FAAP20: variants seen among roughly 807,000 people sequenced by gnomAD.
FAAP20 encodes the protein FA core complex associated protein 20.
A neutral mutation model predicts 16.2 loss-of-function variants in FAAP20; 12 were observed. That is an observed-to-expected ratio of 0.74 (90% CI 0.48 to 1.20). The LOEUF (loss-of-function observed/expected upper bound fraction) is 1.20, where lower values mean the gene tolerates loss of function less well. Among genes scored for constraint, FAAP20 ranks in the 50% most tolerant of loss-of-function variants. FAAP20 has a pLI of 0.00. For missense variants in FAAP20, 288 were observed against 245.8 expected, an observed-to-expected ratio of 1.17 and a Z score of -1.15; for synonymous variants, 141 against 110.7, an observed-to-expected ratio of 1.27 and a Z score of -1.72.
intron 3 of FAAP20, chr1:2,193,339 G>T (rs1415052075): frequency 3.8e-6 from 2 of 520,018 alleles, no homozygotes; most frequent in African/African-American, 3.9e-5. Flanking sequence ...TGGGGACGCT[G>T]GTGCCACCAG....
At chr1:2,208,963 A>G (rs887282778), downstream of FAAP20, among the ~76,000 whole-genome samples, 1 of 152,350 alleles carries the variant, frequency 6.6e-6, no homozygotes, top group East Asian at 1.9e-4. Context: ...GAGCCCTCAC[A>G]GCTGCAGGAG....
At chr1:2,187,139 G>T (rs1687687391), downstream of FAAP20, 1 of 468,952 alleles carries the variant, frequency 2.1e-6, no homozygotes, top group East Asian at 7.0e-5. Flanking sequence ...TGGCTGGCCG[G>T]CTCTCCTGTG....
At chr1:2,212,307 T>C (rs1295770263) in exon 2 of FAAP20, 1 of 152,228 alleles carries the variant, frequency 6.6e-6, no homozygotes, top group Admixed American at 6.6e-5. Flanking sequence ...AGCAGGAGGG[T>C]GGCTGTCTTT....
chr1:2,194,502 G>A (rs1688660443), intron 1 of FAAP20, among the ~76,000 whole-genome samples, 186 bp downstream of exon 1: 1 of 144,624 alleles, frequency 6.9e-6, no homozygotes, highest in Non-Finnish European at 1.5e-5. Flanking sequence ...GGGAAGCTCG[G>A]CGTGGGGTGG....
At chr1:2,192,738 A>G in intron 3 of FAAP20, 1 of 1,130,840 alleles carries the variant, frequency 8.8e-7, no homozygotes, top group Non-Finnish European at 1.1e-6. Context: ...TTCAGCCTCC[A>G]GAGTAGCTAG....
chr1:2,186,495 C>G (rs1003937786), downstream of FAAP20, among the ~76,000 whole-genome samples: 1 of 117,390 alleles, frequency 8.5e-6, no homozygotes, highest in South Asian at 3.2e-4. Context: ...CCTGGACACC[C>G]GCCCCCCCCC....
chr1:2,211,401 A>T (rs1205077455), downstream of FAAP20, among the ~76,000 whole-genome samples: 33 of 3,714 alleles, frequency 8.9e-3, no homozygotes, highest in Admixed American at 0.026. Context: ...GGCTAATTTT[A>T]TATATATATA....
downstream of FAAP20, chr1:2,189,452 A>C: frequency 5.6e-6 from 3 of 539,754 alleles, no homozygotes; most frequent in Non-Finnish European, 6.7e-6. Context: ...CGCCAGGGGA[A>C]AGGGGTCAGC....
upstream of FAAP20, chr1:2,203,358 C>T (rs1689121239): frequency 1.1e-6 from 1 of 949,082 alleles, no homozygotes; most frequent in Non-Finnish European, 1.3e-6. Context: ...CTGGACACCC[C>T]TCCGCAGTCA....
downstream of FAAP20, chr1:2,184,861 G>T: frequency 6.7e-7 from 1 of 1,485,430 alleles, no homozygotes; most frequent in Admixed American, 1.8e-5. Flanking sequence ...ACGTGACTCC[G>T]CTTCCCCCAA....
At chr1:2,199,311 G>A (rs892927873), upstream of FAAP20, 11 of 1,062,402 alleles carry the variant, frequency 1.0e-5, 1 homozygote, top group South Asian at 1.8e-4. This position sits in a 1 kb window ranked among gnomAD's most constrained non-coding sequence, Gnocchi z 4.5. Context: ...CTCAGCTTCC[G>A]CACCACTCAG....
upstream of FAAP20, chr1:2,200,412 A>AC (rs1689004133): frequency 6.6e-6 from 1 of 152,292 alleles, no homozygotes; most frequent in Admixed American, 6.7e-5. Flanking sequence ...AAAAAAAAAA[A>AC]GGTAAGGAAA....
At chr1:2,208,367 T>C (rs1689342922), downstream of FAAP20, among the ~76,000 whole-genome samples, 1 of 152,154 alleles carries the variant, frequency 6.6e-6, no homozygotes, top group African/African-American at 2.4e-5. Flanking sequence ...CCTTCCTCTC[T>C]CTGCCCCCCT....
At chr1:2,190,574 C>G (rs765814523) in intron 3 of FAAP20, 4 of 366,632 alleles carry the variant, frequency 1.1e-5, no homozygotes, top group Non-Finnish European at 2.2e-5. Flanking sequence ...GAAGCCAGGA[C>G]AGTTGACTTC....
At chr1:2,187,398 G>A (rs967596936), downstream of FAAP20, among the ~76,000 whole-genome samples, 2 of 150,732 alleles carry the variant, frequency 1.3e-5, no homozygotes, top group Non-Finnish European at 2.9e-5. Context: ...TCCACCTCCC[G>A]GGTTTAAGCG....
chr1:2,198,633 C>T (rs549550532), upstream of FAAP20: 2 of 1,195,496 alleles, frequency 1.7e-6, no homozygotes, highest in East Asian at 1.2e-4. Context: ...TCCCAATTTC[C>T]AAATGAGACC....
chr1:2,202,632 T>TTTTTG (rs1181113130), upstream of FAAP20, among the ~76,000 whole-genome samples: 4 of 151,768 alleles, frequency 2.6e-5, no homozygotes, highest in Non-Finnish European at 2.9e-5. Flanking sequence ...CCTGGTTAAT[T>TTTTTG]TTTTGTTTTG....
chr1:2,195,404 C>G (rs1386518571), upstream of FAAP20, among the ~76,000 whole-genome samples: 1 of 152,208 alleles, frequency 6.6e-6, no homozygotes, highest in African/African-American at 2.4e-5. Context: ...TTGGCTGTGC[C>G]CAGTGCCCCA....
chr1:2,189,665 G>C lies in FAAP20; in HGVS notation c.*44C>G, dbSNP rs1376304707. Reference sequence around the variant, plus strand: ...GAGGCGGGGCTGCTGGCGGGGGAGAGCGTGTCCGGGCGCCGCACTCTGCGC... The same window carrying C: ...GAGGCGGGGCTGCTGGCGGGGGAGACCGTGTCCGGGCGCCGCACTCTGCGC... On this transcript the variant is annotated 3_prime_UTR_variant, in exon 4 of 4. Transcript: ENST00000378546. 5 of 1,529,984 alleles carry C rather than the reference G, an allele frequency of 3.3e-6. No homozygotes were observed. Among genetic ancestry groups the C allele is most frequent in the Non-Finnish European group, 4.5e-6 (5 of 1,109,202 alleles). The allele number at this position is 1,529,984 out of a possible 1,614,324, so 94.8% of individuals were successfully genotyped here. A position where few individuals can be genotyped will look rare whatever the true frequency, so the allele number is the denominator to read the frequency against.
Sources: gnomAD v4.1 joint callset for allele counts (sites outside exome capture counted in the v4.1 genomes callset) on GRCh38, gnomAD v4.1.1 for gene constraint, Gnocchi (gnomAD v3.1) non-coding constraint, MANE v1.5 for transcripts, NCBI Gene and HGNC (gene_info 2026-07-23, HGNC 2026-07-21) for gene names.